Variants in ZNF483 observed in about 807,000 individuals in gnomAD.
The protein encoded by ZNF483 is zinc finger protein HIT-10.
Under a neutral mutation model 28.6 loss-of-function variants are expected in ZNF483, and 9 were observed. The ratio of observed to expected loss-of-function variants is 0.32; its 90% confidence interval spans 0.19 to 0.55. ZNF483 has a LOEUF of 0.55. Ranked by LOEUF, ZNF483 falls within the 20% of genes least tolerant of loss-of-function variation. ZNF483 has a pLI of 0.93. For missense variants in ZNF483, 675 were observed against 871.7 expected (o/e 0.77, Z 2.84); for synonymous variants, 322 against 306.2 (o/e 1.05, Z -0.54).
At chr9:111,566,204 AAAATAAAT>A (rs370786202) in intron 5 of ZNF483, among the ~76,000 whole-genome samples, 2 of 151,974 alleles carry the variant, frequency 1.3e-5, no homozygotes. Flanking sequence ...CTCCATGTCA[AAAATAAAT>A]AAATAAATAA....
At chr9:111,574,606 A>T in intron 5 of ZNF483, 3 of 367,386 alleles carry the variant, frequency 8.2e-6, no homozygotes, top group East Asian at 6.0e-5. Flanking sequence ...CTCTGTCTTA[A>T]AAAAAAAAAA....
intron 5 of ZNF483, chr9:111,563,674 T>C (rs1267603343): frequency 6.5e-6 from 1 of 154,694 alleles, no homozygotes; most frequent in African/African-American, 2.4e-5. Flanking sequence ...CCCGGCTAAT[T>C]GTTTTGTATT....
At chr9:111,576,533 A>C (rs569006170) in exon 6 of ZNF483, 3 of 1,351,204 alleles carry the variant, frequency 2.2e-6, no homozygotes, top group East Asian at 2.3e-5. Flanking sequence ...ATGAATCCCA[A>C]CTCTGGGGGT....
At position 111,545,029 on chromosome 9, in the gene ZNF483, C is replaced by T. The variant is rs1458688016; in HGVS notation, c.*1859C>T. Among the ~76,000 whole-genome samples, 1 of 152,152 alleles carries T rather than the reference C, an allele frequency of 6.6e-6. No homozygotes were observed. Among genetic ancestry groups the T allele is most frequent in the African/African-American group, 2.4e-5 (1 of 41,438 alleles). On this transcript the variant is annotated 3_prime_UTR_variant, in exon 6 of 6. Coordinates refer to ENST00000309235, the MANE Select transcript of ZNF483 (RefSeq NM_133464.5). ...TTAGACTCAGGAACATTTACTGTGACTAATGTATGTAGGTGTGAAATGCTA... is the reference window on the plus strand; with the variant it reads ...TTAGACTCAGGAACATTTACTGTGATTAATGTATGTAGGTGTGAAATGCTA...
rs1049744087 is a variant in ZNF483, at chr9:111,549,875, A to G, written c.*6705A>G. 1.0e-5 allele frequency: 9 copies of G among 899,608 alleles called. No individual in the cohort carries two copies. In the African/African-American group the frequency reaches 1.0e-4, roughly 10 times the overall value. The allele number at this position is 899,608 out of a possible 1,614,324, so 55.7% of individuals were successfully genotyped here. A position where few individuals can be genotyped will look rare whatever the true frequency, so the allele number is the denominator to read the frequency against. ...GCTTTAAAGTCTGTCTAGTGAGTCA[A>G]TGTTTGGTCTTCCTCATGTCCATTT... On this transcript the variant is annotated 3_prime_UTR_variant, in exon 6 of 6. Coordinates refer to ENST00000309235, the MANE Select transcript of ZNF483 (RefSeq NM_133464.5).
Position 111,550,224 on chromosome 9 carries a change from AGTTTTTT to A in ZNF483, c.*7056_*7062del, listed in dbSNP as rs1049693066. ...GCTTTCTGAATTCACCTAGATACAC[AGTTTTTT>A]GAATGTCCAGAAAAACAGGTTTCAT... On this transcript the variant is annotated 3_prime_UTR_variant, in exon 6 of 6. Transcript: ENST00000309235. Among the ~76,000 whole-genome samples the A allele has an allele frequency of 5.3e-5, 8 of 152,170 alleles. No homozygotes were observed. Among genetic ancestry groups the A allele is most frequent in the African/African-American group, 1.9e-4 (8 of 41,430 alleles).
At position 111,541,882 on chromosome 9, in the gene ZNF483, A is replaced by T; in HGVS notation, c.947A>T (p.Asp316Val). Residue 316 changes from aspartate (D) to valine (V), a missense_variant, in exon 6 of 6, where the codon GAC becomes GTC. By Grantham distance (152) the Asp-to-Val change is radical (BLOSUM62 -3). Coordinates refer to ENST00000309235, the MANE Select transcript of ZNF483 (RefSeq NM_133464.5). The stretch of plus-strand genomic sequence containing the variant: ...GGACATAATTTCAAAGAAACTTCAG[A>T]CTTAATTAAACATCTGAGAGTCTAC... ...PFGHNFKETS[D>V]LIKHLRVYLR... The T allele has an allele frequency of 1.2e-6, 2 of 1,614,006 alleles. No individual in the cohort carries two copies. Among genetic ancestry groups the T allele is most frequent in the Non-Finnish European group, 1.7e-6 (2 of 1,179,988 alleles).
rs1022388287 is a variant in ZNF483 at position 111,546,518 on chromosome 9, A to G, written c.*3348A>G. Among the ~76,000 whole-genome samples the G allele has an allele frequency of 6.6e-6, 1 of 152,198 alleles. No individual in the cohort carries two copies. Among genetic ancestry groups the G allele is most frequent in the African/African-American group, 2.4e-5 (1 of 41,466 alleles). On this transcript the variant is annotated 3_prime_UTR_variant, in exon 6 of 6. Transcript: ENST00000309235. ...GATTCATTATAGGATTGCTTTTATG[A>G]AGAGCACTGTGACACATTTTACTTT... is the stretch of plus-strand genomic sequence containing the variant.
In ZNF483 at chr9:111,549,898, T is replaced by C. The variant is rs898663369; in HGVS notation, c.*6728T>C. Reference sequence around the variant, plus strand: ...CAATGTTTGGTCTTCCTCATGTCCATTTTTTGTTGGTTTATTTTGTGCCTT... The same window carrying C: ...CAATGTTTGGTCTTCCTCATGTCCACTTTTTGTTGGTTTATTTTGTGCCTT... On this transcript the variant is annotated 3_prime_UTR_variant, in exon 6 of 6. Coordinates refer to ENST00000309235, the MANE Select transcript of ZNF483 (RefSeq NM_133464.5). 6.2e-5 allele frequency: 46 copies of C among 739,712 alleles called. No homozygotes were observed. Among genetic ancestry groups the C allele is most frequent in the Non-Finnish European group, 9.5e-5 (42 of 444,156 alleles). The allele number at this position is 739,712 out of a possible 1,614,324, so 45.8% of individuals were successfully genotyped here.
chr9:111,539,825 ATTATCT>A (rs1827627670), intron 5 of ZNF483: 1 of 167,458 alleles, frequency 6.0e-6, no homozygotes, highest in Admixed American at 6.2e-5. Flanking sequence ...ACTAATTAAA[ATTATCT>A]TTATGAAGAA....
At chr9:111,559,406 A>G (rs903892183), downstream of ZNF483, among the ~76,000 whole-genome samples, 2 of 151,668 alleles carry the variant, frequency 1.3e-5, no homozygotes, top group South Asian at 2.1e-4. Flanking sequence ...GACACCCTCA[A>G]TCAGGCCCTG....
chr9:111,555,358 T>C lies in ZNF483; in HGVS notation c.*12188T>C, dbSNP rs1024508408. ...CTTTAGCCTCTGATTTTCTCCCTAC[T>C]TCCAGAAAACCTGATGCCTCCACCT... is the stretch of plus-strand genomic sequence containing the variant. On this transcript the variant is annotated 3_prime_UTR_variant, in exon 6 of 6. Transcript: ENST00000309235. Among the ~76,000 whole-genome samples the C allele has an allele frequency of 3.3e-5, 5 of 152,286 alleles. No individual in the cohort carries two copies. The highest frequency in any genetic ancestry group is 2.6e-4 in the Admixed American group (4 of 15,294).
chr9:111,528,136 A>G (rs1827226361), intron 2 of ZNF483: 3 of 1,028,010 alleles, frequency 2.9e-6, no homozygotes, highest in Non-Finnish European at 4.1e-6. Context: ...TATCTGTGAA[A>G]GTGTTTGGAG....
At chr9:111,561,272 G>T (rs550190927) in intron 5 of ZNF483, among the ~76,000 whole-genome samples, 1 of 151,108 alleles carries the variant, frequency 6.6e-6, no homozygotes, top group African/African-American at 2.4e-5. Context: ...TTTTGTTGTT[G>T]TTTTGTTTTT....
At chr9:111,557,007 A>C (rs1275609331), downstream of ZNF483, among the ~76,000 whole-genome samples, 1 of 152,094 alleles carries the variant, frequency 6.6e-6, no homozygotes, top group Admixed American at 6.5e-5. Context: ...ACCATTTTTT[A>C]TCTCCTAGGC....
intron 2 of ZNF483, among the ~76,000 whole-genome samples, chr9:111,530,250 TA>T (rs1827287685): frequency 6.6e-6 from 1 of 152,166 alleles, no homozygotes; most frequent in African/African-American, 2.4e-5. Flanking sequence ...AGTTTCCAGA[TA>T]GCTAACCACG....
chr9:111,532,833 C>G (rs1450503602), intron 3 of ZNF483, among the ~76,000 whole-genome samples: 3 of 151,440 alleles, frequency 2.0e-5, no homozygotes, highest in African/African-American at 7.3e-5. Flanking sequence ...CGCTTGAACC[C>G]AGGAGGTGGA....
intron 5 of ZNF483, among the ~76,000 whole-genome samples, chr9:111,568,894 A>T (rs1477343023): frequency 6.6e-6 from 1 of 152,114 alleles, no homozygotes; most frequent in Non-Finnish European, 1.5e-5. Flanking sequence ...GAGGTGGGAG[A>T]AGTGTTCAGA....
chr9:111,549,722 T>C lies in ZNF483; in HGVS notation c.*6552T>C. ...TTTTGTAAAGTGGACCCTTGCCTTC[T>C]AAGGTAATGGTGAATGATACATATT... On this transcript the variant is annotated 3_prime_UTR_variant, in exon 6 of 6. Coordinates refer to ENST00000309235, the MANE Select transcript of ZNF483 (RefSeq NM_133464.5). 6 of 1,548,154 alleles carry C rather than the reference T, an allele frequency of 3.9e-6. No homozygotes were observed. Among genetic ancestry groups the C allele is most frequent in the Non-Finnish European group, 5.2e-6 (6 of 1,145,998 alleles).
Sources: gnomAD v4.1 joint callset for allele counts (sites outside exome capture counted in the v4.1 genomes callset) on GRCh38, gnomAD v4.1.1 for gene constraint, MANE v1.5 for transcripts, NCBI Gene and HGNC (gene_info 2026-07-23, HGNC 2026-07-21) for gene names.